The following CCNY variants were observed in gnomAD, a reference collection of about 807,000 sequenced individuals.
CCNY encodes the protein cyclin-Y.
In CCNY, 19 loss-of-function variants were observed where a neutral mutation model predicts 42.8. That is an observed-to-expected ratio of 0.44 (90% CI 0.31 to 0.65). The LOEUF (loss-of-function observed/expected upper bound fraction) is 0.65. Ranked by LOEUF, CCNY falls within the 30% of genes least tolerant of loss-of-function variation. The pLI is 0.07. For synonymous variants in CCNY, 165 were observed against 162.7 expected, an observed-to-expected ratio of 1.01 and a Z score of -0.11; for missense variants, 370 against 437.3, an observed-to-expected ratio of 0.85 and a Z score of 1.37.
At chr10:35,472,052 G>A (rs1425089049) in intron 1 of CCNY, among the ~76,000 whole-genome samples, 1 of 152,182 alleles carries the variant, frequency 6.6e-6, no homozygotes, top group African/African-American at 2.4e-5. Context: ...TAACATTTAT[G>A]TATTGAGAGT....
chr10:35,440,031 G>A (rs1838631500), intron 1 of CCNY, among the ~76,000 whole-genome samples: 1 of 152,140 alleles, frequency 6.6e-6, no homozygotes, highest in Non-Finnish European at 1.5e-5. Flanking sequence ...TAGAGGTGTT[G>A]GGGCATCTCA....
At chr10:35,302,394 T>A (rs1005972121) in intron 3 of CCNY, among the ~76,000 whole-genome samples, 2 of 148,718 alleles carry the variant, frequency 1.3e-5, no homozygotes, top group Non-Finnish European at 3.0e-5. Context: ...CACTGCAACC[T>A]CCGTCTCCTG....
intron 1 of CCNY, among the ~76,000 whole-genome samples, chr10:35,354,849 G>A (rs1336465119): frequency 1.4e-5 from 2 of 143,000 alleles, no homozygotes; most frequent in African/African-American, 5.0e-5. Flanking sequence ...TTCTCCTTCA[G>A]TATCTTAATA....
chr10:35,424,215 G>GT (rs1333919549), intron 1 of CCNY, among the ~76,000 whole-genome samples: 1 of 151,422 alleles, frequency 6.6e-6, no homozygotes, highest in Non-Finnish European at 1.5e-5. Context: ...GTTCTCAAAT[G>GT]TTTTTTTCTT....
chr10:35,258,628 G>A (rs1455182661), intron 3 of CCNY, among the ~76,000 whole-genome samples: 1 of 152,174 alleles, frequency 6.6e-6, no homozygotes, highest in Non-Finnish European at 1.5e-5. Flanking sequence ...CCTGGCTCCT[G>A]CAAGTTGGTT....
intron 1 of CCNY, among the ~76,000 whole-genome samples, chr10:35,342,236 A>G (rs1187849367): frequency 1.3e-5 from 2 of 152,166 alleles, no homozygotes; most frequent in Admixed American, 6.5e-5. Flanking sequence ...GGCTTCCTTG[A>G]GTCTCTACAA....
At chr10:35,485,702 G>A (rs1202527919) in intron 2 of CCNY, among the ~76,000 whole-genome samples, 1 of 148,980 alleles carries the variant, frequency 6.7e-6, no homozygotes, top group Non-Finnish European at 1.5e-5. Flanking sequence ...TCTGGCCTGG[G>A]CGACAGAGCG....
intron 1 of CCNY, among the ~76,000 whole-genome samples, chr10:35,399,182 A>G (rs1837589930): frequency 6.6e-6 from 1 of 152,150 alleles, no homozygotes; most frequent in African/African-American, 2.4e-5. Context: ...CTTGACGGTA[A>G]GACAACTAAG....
At chr10:35,392,958 C>T (rs966513532) in intron 1 of CCNY, among the ~76,000 whole-genome samples, 2 of 152,124 alleles carry the variant, frequency 1.3e-5, no homozygotes, top group Admixed American at 1.3e-4. Context: ...TAGCTACAAC[C>T]TCCCACCCTT....
intron 1 of CCNY, among the ~76,000 whole-genome samples, chr10:35,348,808 T>C (rs551190824): frequency 6.6e-6 from 1 of 152,206 alleles, no homozygotes; most frequent in African/African-American, 2.4e-5. Flanking sequence ...CAGTCAGGGA[T>C]GGTCTGAATC....
chr10:35,367,471 A>C (rs1183561780), intron 1 of CCNY, among the ~76,000 whole-genome samples: 1 of 152,208 alleles, frequency 6.6e-6, no homozygotes, highest in East Asian at 1.9e-4. Context: ...GATATTAGTT[A>C]TTATTAATAA....
intron 7 of CCNY, among the ~76,000 whole-genome samples, chr10:35,539,278 A>G (rs1000035710): frequency 2.0e-5 from 3 of 152,146 alleles, no homozygotes; most frequent in African/African-American, 7.2e-5. Context: ...TAGCTTGTCA[A>G]TTTCTGTCAG....
At position 35,571,316 on chromosome 10, in the gene CCNY, T is replaced by C. The variant is rs1004236601; in HGVS notation, c.*2146T>C. ...TATTTTGTGGAGTTTATTAAACTAC[T>C]TTAAAAAAATTGTATAGTCTATTTA... On this transcript the variant is annotated 3_prime_UTR_variant, in exon 10 of 10. Coordinates refer to ENST00000374704, the MANE Select transcript of CCNY (RefSeq NM_145012.6). The C allele has an allele frequency of 6.6e-6, 1 of 151,704 alleles. No individual in the cohort carries two copies. The highest frequency in any genetic ancestry group is 1.5e-5 in the Non-Finnish European group (1 of 67,754). The allele number at this position is 151,704 out of a possible 1,614,324, so 9.4% of individuals were successfully genotyped here.
At chr10:35,482,751 TGTGTGTGTGTGTG>T (rs1432854717) in intron 1 of CCNY, among the ~76,000 whole-genome samples, 2 of 42,742 alleles carry the variant, frequency 4.7e-5, no homozygotes, top group Non-Finnish European at 8.0e-5. Flanking sequence ...TGGAAATAGG[TGTGTGTGTGTGTG>T]TGTGTGTGTG....
At chr10:35,368,556 G>T (rs1270004582) in intron 1 of CCNY, among the ~76,000 whole-genome samples, 1 of 152,220 alleles carries the variant, frequency 6.6e-6, no homozygotes, top group Non-Finnish European at 1.5e-5. Context: ...GCTAGTGAAA[G>T]CATTCCCAGG....
chr10:35,452,733 T>C (rs1197222491), intron 1 of CCNY, among the ~76,000 whole-genome samples: 1 of 144,944 alleles, frequency 6.9e-6, no homozygotes, highest in Non-Finnish European at 1.5e-5. Flanking sequence ...GGATGTAAAA[T>C]TTACCTGTTA....
chr10:35,464,624 G>T (rs920966292), intron 1 of CCNY, among the ~76,000 whole-genome samples: 2 of 148,712 alleles, frequency 1.3e-5, no homozygotes, highest in Non-Finnish European at 3.0e-5. Context: ...TATGCCCTTC[G>T]CCTGCTCCCT....
At chr10:35,383,121 C>T (rs765572653) in intron 1 of CCNY, among the ~76,000 whole-genome samples, 33 of 152,192 alleles carry the variant, frequency 2.2e-4, no homozygotes, top group Non-Finnish European at 4.3e-4. Context: ...GTGGGTTCTA[C>T]AGCTCCGATG....
At chr10:35,567,355 G>A (rs1841592730) in intron 9 of CCNY, among the ~76,000 whole-genome samples, 1 of 152,224 alleles carries the variant, frequency 6.6e-6, no homozygotes, top group African/African-American at 2.4e-5. Flanking sequence ...TGTTCACCAG[G>A]CTCTTCCCAC....
Sources: gnomAD v4.1 joint callset for allele counts (sites outside exome capture counted in the v4.1 genomes callset) on GRCh38, gnomAD v4.1.1 for gene constraint, MANE v1.5 for transcripts, NCBI Gene and HGNC (gene_info 2026-07-23, HGNC 2026-07-21) for gene names.